The following PCDH9 variants were observed in gnomAD, a reference collection of about 807,000 sequenced individuals.
The protein encoded by PCDH9 is protocadherin-9.
A neutral mutation model predicts 70.6 loss-of-function variants in PCDH9; 24 were observed. The observed-to-expected ratio is 0.34, with a 90% CI of 0.25 to 0.48. The LOEUF (loss-of-function observed/expected upper bound fraction) is 0.48. Ranked by LOEUF, PCDH9 falls within the 20% of genes least tolerant of loss-of-function variation. The probability of loss-of-function intolerance (pLI) is 0.99; values close to 1 mark genes in which losing one functional copy is unlikely to be tolerated. For synonymous variants in PCDH9, 562 were observed against 558.5 expected (o/e 1.01, Z -0.09); for missense variants, 1,281 against 1,503.6 (o/e 0.85, Z 2.45).
intron 3 of PCDH9, among the ~76,000 whole-genome samples, chr13:66,801,847 T>C (rs910864255): frequency 3.9e-5 from 6 of 152,032 alleles, no homozygotes; most frequent in Non-Finnish European, 8.8e-5. Context: ...ATACAGCATG[T>C]CTTTCTACAA....
At chr13:66,765,563 T>C (rs1000118048) in intron 3 of PCDH9, among the ~76,000 whole-genome samples, 8 of 152,066 alleles carry the variant, frequency 5.3e-5, no homozygotes, top group African/African-American at 1.9e-4. Flanking sequence ...GTGATGTTCT[T>C]CATGGTTATT....
intron 3 of PCDH9, among the ~76,000 whole-genome samples, chr13:66,664,118 C>G (rs7987368): frequency 0.57 from 86,454 of 152,038 alleles, 24,907 homozygotes; most frequent in African/African-American, 0.65. Flanking sequence ...ACTAATTGGC[C>G]TACAGTAATT....
At chr13:67,099,858 A>T (rs1281112938) in intron 2 of PCDH9, among the ~76,000 whole-genome samples, 1 of 152,208 alleles carries the variant, frequency 6.6e-6, no homozygotes, top group Non-Finnish European at 1.5e-5. Context: ...TGTAAGTTTG[A>T]CACATTGTTC....
intron 2 of PCDH9, among the ~76,000 whole-genome samples, chr13:67,000,497 TAAA>T (rs60553013): frequency 6.6e-6 from 1 of 150,624 alleles, no homozygotes; most frequent in East Asian, 1.9e-4. Context: ...TAAAATAAAA[TAAA>T]AAAAAGACTT....
intron 2 of PCDH9, among the ~76,000 whole-genome samples, chr13:67,130,436 T>G (rs1040758104): frequency 6.6e-6 from 1 of 151,980 alleles, no homozygotes; most frequent in Admixed American, 6.6e-5. Context: ...AGATCTAAAA[T>G]CTAAAAAAGG....
chr13:66,663,299 A>G (rs1283643407), intron 3 of PCDH9, among the ~76,000 whole-genome samples: 1 of 152,244 alleles, frequency 6.6e-6, no homozygotes, highest in Non-Finnish European at 1.5e-5. Flanking sequence ...TTCACCATTA[A>G]TATTTATTGT....
chr13:66,686,043 T>A (rs1026876759), intron 3 of PCDH9, among the ~76,000 whole-genome samples: 18 of 152,258 alleles, frequency 1.2e-4, no homozygotes, highest in African/African-American at 3.9e-4. Context: ...GGGGAACTGT[T>A]GGAAAGGCAT....
intron 3 of PCDH9, among the ~76,000 whole-genome samples, chr13:66,788,648 A>ATTTTTTTTTTTTTTTTTTTTTTTTT (rs58386697): frequency 2.4e-5 from 2 of 81,886 alleles, no homozygotes; most frequent in Non-Finnish European, 4.6e-5. Context: ...CTAAACAGTA[A>ATTTTTTTTTTTTTTTTTTTTTTTTT]TTTTTTTTTT....
In PCDH9 at chr13:66,729,983, A is replaced by G. The variant is rs532459749; in HGVS notation, c.3139-98572T>C. On this transcript the variant is annotated intron_variant, in intron 3 of 4. Transcript: ENST00000377865. ...AAAACCACAAAGTCTGTAGAATAAT[A>G]TATGTTTAACAAAAGTTTTCTGAAT... Among the ~76,000 whole-genome samples, 139 of 152,278 alleles carry G rather than the reference A, an allele frequency of 9.1e-4. 1 individual carries two copies. Among genetic ancestry groups the G allele is most frequent in the African/African-American group, 3.2e-3 (131 of 41,546 alleles).
rs2089940437 is a variant in PCDH9 at position 67,228,593 on chromosome 13, T to C, written c.-135-18A>G. The C allele has an allele frequency of 1.9e-6, 1 of 534,218 alleles. No homozygotes were observed. The highest frequency in any genetic ancestry group is 1.9e-5 in the African/African-American group (1 of 51,316). The allele number at this position is 534,218 out of a possible 1,614,324, so 33.1% of individuals were successfully genotyped here. Reference sequence around the variant, plus strand: ...GACAGCCGCTGTCAACACAATTGTATAGACAATATTATTCTTCAGTAAATA... The same window carrying C: ...GACAGCCGCTGTCAACACAATTGTACAGACAATATTATTCTTCAGTAAATA... On this transcript the variant is annotated intron_variant, in intron 1 of 4. Transcript: ENST00000377865.
rs1181975144 is a variant in PCDH9, at chr13:67,172,732, G to T, written c.3036+52673C>A. Among the ~76,000 whole-genome samples, 5 of 151,970 alleles carry T rather than the reference G, an allele frequency of 3.3e-5. No homozygotes were observed. In the East Asian group the frequency reaches 5.8e-4, roughly 18 times the overall value. On this transcript the variant is annotated intron_variant, in intron 2 of 4. Coordinates refer to ENST00000377865, the MANE Select transcript of PCDH9 (RefSeq NM_203487.3). Reference sequence around the variant, plus strand: ...ATCTCTACTAAAAATACAAAAATTAGCTGGGTGTGGTGGCACAAGCCTGTA... The same window carrying T: ...ATCTCTACTAAAAATACAAAAATTATCTGGGTGTGGTGGCACAAGCCTGTA...
At chr13:66,430,586 G>C (rs2138374027) in intron 4 of PCDH9, among the ~76,000 whole-genome samples, 1 of 152,158 alleles carries the variant, frequency 6.6e-6, no homozygotes, top group East Asian at 1.9e-4. Context: ...GTTAGTAACT[G>C]AGGGATGCCC....
chr13:66,362,539 C>T (rs1042375291), intron 4 of PCDH9, among the ~76,000 whole-genome samples: 6 of 152,066 alleles, frequency 3.9e-5, no homozygotes, highest in African/African-American at 1.4e-4. Context: ...TGTGAAAAGC[C>T]TCTACGCATG....
In PCDH9 at chr13:66,304,786, G is replaced by A. The variant is rs1955432634; in HGVS notation, c.3583C>T (p.Arg1195Cys). Residue 1195 changes from arginine to cysteine, a missense_variant, in exon 5 of 5, where the codon CGT becomes TGT. Transcript: ENST00000377865. ...EDSNRNQFND[R>C]KQYGSNEGHF... Reference sequence around the variant, plus strand: ...CCTTCATTGGAGCCATACTGCTTACGGTCATTGAACTGGTTCCTGTTGCTG... The same window carrying A: ...CCTTCATTGGAGCCATACTGCTTACAGTCATTGAACTGGTTCCTGTTGCTG... 5.0e-6 allele frequency: 8 copies of A among 1,613,338 alleles called. No individual in the cohort carries two copies. Among genetic ancestry groups the A allele is most frequent in the African/African-American group, 2.7e-5 (2 of 74,842 alleles).
At chr13:66,437,976 G>A (rs140664076) in intron 4 of PCDH9, among the ~76,000 whole-genome samples, 1,928 of 152,206 alleles carry the variant, frequency 0.013, 42 homozygotes, top group African/African-American at 0.045. Flanking sequence ...GCTCACGCCT[G>A]TAATTCCAAC....
In PCDH9 at chr13:67,077,854, T is replaced by TA. The variant is rs575010074; in HGVS notation, c.3036+147550dup. Among the ~76,000 whole-genome samples the TA allele has an allele frequency of 7.6e-3, 1,158 of 151,572 alleles. 17 individuals are homozygous for TA. The highest frequency in any genetic ancestry group is 0.026 in the African/African-American group (1,065 of 41,382). On this transcript the variant is annotated intron_variant, in intron 2 of 4. Transcript: ENST00000377865. ...GTTTGTGCAGCCAACATGCCCACAT[T>TA]AAAAAAAAATTCACATGTATATCGA...
At position 67,042,722 on chromosome 13, in the gene PCDH9, A is replaced by G. The variant is rs188076977; in HGVS notation, c.3037-139117T>C. On this transcript the variant is annotated intron_variant, in intron 2 of 4. Coordinates refer to ENST00000377865, the MANE Select transcript of PCDH9 (RefSeq NM_203487.3). ...ACCAGGCACAATGGGAATAACAGCA[A>G]TACAATGACAAATGGTGCTTAGCTC... Among the ~76,000 whole-genome samples, 139 of 152,312 alleles carry G rather than the reference A, an allele frequency of 9.1e-4. 2 individuals carry two copies. In the Middle Eastern group the frequency reaches 0.027, roughly 30 times the overall value.
Position 66,525,842 on chromosome 13 carries a change from T to A in PCDH9, c.3340+105368A>T, listed in dbSNP as rs150847614. On this transcript the variant is annotated intron_variant, in intron 4 of 4. Coordinates refer to ENST00000377865, the MANE Select transcript of PCDH9 (RefSeq NM_203487.3). ...AAATCCCCCAGCTTTCACCTTGTTG[T>A]CTAAGCTAAGACGACATACGTTCTT... is the stretch of plus-strand genomic sequence containing the variant. Among the ~76,000 whole-genome samples the A allele has an allele frequency of 4.7e-3, 714 of 152,280 alleles. 32 individuals carry two copies. The East Asian group carries it at 0.092, about 20-fold the overall frequency.
At chr13:66,753,346 T>C (rs996315120) in intron 3 of PCDH9, among the ~76,000 whole-genome samples, 2 of 152,148 alleles carry the variant, frequency 1.3e-5, no homozygotes, top group African/African-American at 4.8e-5. Flanking sequence ...TCATTTCAAA[T>C]AGCTAGAAGA....
Sources: allele counts gnomAD v4.1 joint callset (sites outside exome capture counted in the v4.1 genomes callset), GRCh38; gene constraint gnomAD v4.1.1; transcripts MANE v1.5; gene names NCBI Gene and HGNC (gene_info 2026-07-23, HGNC 2026-07-21).